Variants in PCDHGA3 observed in about 807,000 individuals in gnomAD.
The protein encoded by PCDHGA3 is protocadherin gamma subfamily A, 3.
In PCDHGA3, 40 loss-of-function variants were observed where a neutral mutation model predicts 58.5. That is an observed-to-expected ratio of 0.68 (90% CI 0.53 to 0.89). The LOEUF is 0.89. Among genes scored for constraint, PCDHGA3 ranks in the 40% least tolerant of loss-of-function variants. The pLI is 0.00. For missense variants in PCDHGA3, 1,223 were observed against 1,195.9 expected (o/e 1.02, Z -0.33); for synonymous variants, 530 against 525.7 (o/e 1.01, Z -0.11).
intron 1 of PCDHGA3, among the ~76,000 whole-genome samples, chr5:141,449,589 A>G (rs1196329432): frequency 7.6e-6 from 1 of 131,966 alleles, no homozygotes; most frequent in Non-Finnish European, 1.7e-5. Context: ...ACTCTGTCTC[A>G]AAAAAAAAAA....
At chr5:141,374,621 G>A (rs1261974648) in intron 1 of PCDHGA3, 1 of 1,613,482 alleles carries the variant, frequency 6.2e-7, no homozygotes, top group Non-Finnish European at 8.5e-7. Flanking sequence ...TCACTTCTCA[G>A]TGGACGTGCA....
chr5:141,443,417 T>C (rs1429905201), intron 1 of PCDHGA3, among the ~76,000 whole-genome samples: 3 of 152,132 alleles, frequency 2.0e-5, no homozygotes, highest in East Asian at 1.9e-4. Context: ...TCTGGGGAGA[T>C]TGAAGCTGCA....
At chr5:141,420,164 A>G (rs2096471602) in intron 1 of PCDHGA3, 1 of 1,614,040 alleles carries the variant, frequency 6.2e-7, no homozygotes, top group Non-Finnish European at 8.5e-7. Context: ...TAATTTTTTC[A>G]CATCTGTTGA....
chr5:141,394,809 G>C (rs1346374248), intron 1 of PCDHGA3: 1 of 1,613,892 alleles, frequency 6.2e-7, no homozygotes, highest in Non-Finnish European at 8.5e-7. Flanking sequence ...AGCCGTGGCT[G>C]ACAGCATCCC....
At chr5:141,509,845 C>G (rs1021433327) in intron 3 of PCDHGA3, among the ~76,000 whole-genome samples, 1 of 152,190 alleles carries the variant, frequency 6.6e-6, no homozygotes, top group African/African-American at 2.4e-5. Context: ...CCCATTCACT[C>G]AGAACAGGGA....
At chr5:141,467,649 T>C (rs2099147987) in intron 1 of PCDHGA3, among the ~76,000 whole-genome samples, 1 of 152,146 alleles carries the variant, frequency 6.6e-6, no homozygotes, top group Non-Finnish European at 1.5e-5. Flanking sequence ...TGTACCAAAC[T>C]TCTATAGTGC....
At chr5:141,366,593 C>T in intron 1 of PCDHGA3, 1 of 1,614,248 alleles carries the variant, frequency 6.2e-7, no homozygotes, top group Non-Finnish European at 8.5e-7. Flanking sequence ...GACCTATTCC[C>T]ACGAGGTCTC....
chr5:141,411,001 C>G lies in PCDHGA3; in HGVS notation c.2424+64544C>G, dbSNP rs2095456042. 1.8e-5 allele frequency: 3 copies of G among 168,822 alleles called. No individual in the cohort carries two copies. The South Asian group carries it at 4.7e-4, about 26-fold the overall frequency. The allele number at this position is 168,822 out of a possible 1,614,324, so 10.5% of individuals were successfully genotyped here. ...CCCAAGTAGCTGGGATTACTGGTGC[C>G]CCTCACCACAGCTAAATTTTTTGTA... On this transcript the variant is annotated intron_variant, in intron 1 of 3. Coordinates refer to ENST00000253812, the MANE Select transcript of PCDHGA3 (RefSeq NM_018916.4).
At chr5:141,377,212 G>A (rs1390877095) in intron 1 of PCDHGA3, 4 of 151,992 alleles carry the variant, frequency 2.6e-5, no homozygotes, top group African/African-American at 4.8e-5. Context: ...AGTACATCTC[G>A]TTTCTTAGGT....
At chr5:141,408,076 A>C in intron 1 of PCDHGA3, 1 of 1,399,800 alleles carries the variant, frequency 7.1e-7, no homozygotes. Flanking sequence ...GACCTTTCCC[A>C]GCACAGCGGA....
In PCDHGA3 at chr5:141,344,085, G is replaced by A. The variant is rs1757359453; in HGVS notation, c.52G>A (p.Ala18Thr). The A allele has an allele frequency of 6.2e-7, 1 of 1,611,498 alleles. No individual in the cohort carries two copies. The highest frequency in any genetic ancestry group is 1.3e-5 in the African/African-American group (1 of 74,978). Reference sequence around the variant, plus strand: ...TGGCAGAGGACTGGCCCTGCTGTGCGCGCTCCTGGGGACGCTGTGCGAAAC... The same window carrying A: ...TGGCAGAGGACTGGCCCTGCTGTGCACGCTCCTGGGGACGCTGTGCGAAAC... ...RNGRGLALLC[A>T]LLGTLCETGS... Residue 18 changes from alanine to threonine, a missense_variant, in exon 1 of 4, where the codon GCG (alanine) becomes ACG (threonine). Coordinates refer to ENST00000253812, the MANE Select transcript of PCDHGA3 (RefSeq NM_018916.4).
In PCDHGA3 at chr5:141,344,738, A is replaced by G; in HGVS notation, c.705A>G (p.Ala235=). The stretch of plus-strand genomic sequence containing the variant: ...ACATCCAAGTGATAGTCCTGGATGC[A>G]AATGACAACCCACCAATGTTTACTC... ...NLHIQVIVLD[A]NDNPPMFTQP... Residue 235 remains alanine (A), a synonymous_variant, in exon 1 of 4, where the codon GCA becomes GCG. Coordinates refer to ENST00000253812, the MANE Select transcript of PCDHGA3 (RefSeq NM_018916.4). 1.2e-6 allele frequency: 2 copies of G among 1,613,992 alleles called. No homozygotes were observed. The highest frequency in any genetic ancestry group is 1.7e-6 in the Non-Finnish European group (2 of 1,179,892).
In PCDHGA3 at chr5:141,432,916, G is replaced by C; in HGVS notation, c.2425-61891G>C. ...TGCTGGCGCTCAGGCTGCGGCGCTG[G>C]CACAAGTCACGCCTGCTGCAGGCTT... On this transcript the variant is annotated intron_variant, in intron 1 of 3. Coordinates refer to ENST00000253812, the MANE Select transcript of PCDHGA3 (RefSeq NM_018916.4). The surrounding 1 kb of genome is among the most constrained non-coding windows in gnomAD (Gnocchi z 6.0). 1 of 1,614,196 alleles carries C rather than the reference G, an allele frequency of 6.2e-7. No homozygotes were observed. The highest frequency in any genetic ancestry group is 8.5e-7 in the Non-Finnish European group (1 of 1,180,040).
rs373418210 is a variant in PCDHGA3, at chr5:141,357,669, G to A, written c.2424+11212G>A. 7.4e-4 allele frequency: 1,188 copies of A among 1,597,338 alleles called. 1 individual carries two copies. The highest frequency in any genetic ancestry group is 1.1e-3 in the Admixed American group (63 of 57,898). On this transcript the variant is annotated intron_variant, in intron 1 of 3. Coordinates refer to ENST00000253812, the MANE Select transcript of PCDHGA3 (RefSeq NM_018916.4). The stretch of plus-strand genomic sequence containing the variant: ...CATACCACACTGAAATATAGACAAA[G>A]AGTTGTGTAAATGTCTCTCATTTTA...
Position 141,428,104 on chromosome 5 carries a change from T to C in PCDHGA3, c.2425-66703T>C, listed in dbSNP as rs751953406. ...AACGCTTGGCTGTCCTACCACGTGCTGCAGGCCATCGAGCCCGGGCTTTTC... is the reference window on the plus strand; with the variant it reads ...AACGCTTGGCTGTCCTACCACGTGCCGCAGGCCATCGAGCCCGGGCTTTTC... On this transcript the variant is annotated intron_variant, in intron 1 of 3. Coordinates refer to ENST00000253812, the MANE Select transcript of PCDHGA3 (RefSeq NM_018916.4). The C allele has an allele frequency of 1.9e-6, 3 of 1,608,398 alleles. No individual in the cohort carries two copies. The South Asian group carries it at 3.3e-5, about 18-fold the overall frequency.
chr5:141,392,785 T>G (rs1329989423), intron 1 of PCDHGA3: 2 of 1,549,000 alleles, frequency 1.3e-6, no homozygotes, highest in African/African-American at 2.7e-5. Flanking sequence ...ACAGTGAAGA[T>G]TCTGAGAGGA....
chr5:141,376,507 G>A, intron 1 of PCDHGA3: 2 of 1,614,090 alleles, frequency 1.2e-6, no homozygotes, highest in Non-Finnish European at 1.7e-6. Flanking sequence ...GGCAACTTCA[G>A]GTGAGTTTCT....
intron 1 of PCDHGA3, chr5:141,377,698 A>G (rs1274163537): frequency 6.6e-6 from 1 of 152,230 alleles, no homozygotes; most frequent in Non-Finnish European, 1.5e-5. Context: ...TTTACTACTT[A>G]GGAATCAAAA....
intron 1 of PCDHGA3, among the ~76,000 whole-genome samples, chr5:141,446,175 G>A (rs1288608276): frequency 1.3e-5 from 2 of 152,276 alleles, no homozygotes; most frequent in Non-Finnish European, 2.9e-5. Context: ...AGGGCAGGGG[G>A]TGTTTTGTTT....
Sources: gnomAD v4.1 joint callset for allele counts (sites outside exome capture counted in the v4.1 genomes callset) on GRCh38, gnomAD v4.1.1 for gene constraint, Gnocchi (gnomAD v3.1) non-coding constraint, MANE v1.5 for transcripts, NCBI Gene and HGNC (gene_info 2026-07-23, HGNC 2026-07-21) for gene names.